The following FRMD4A variants were observed in gnomAD, a reference collection of about 807,000 sequenced individuals.
The protein encoded by FRMD4A is FERM domain containing 4A, also known as FERM domain-containing protein 4A.
FRMD4A carries 29 observed loss-of-function variants against 129.1 expected under a neutral mutation model. The ratio of observed to expected loss-of-function variants is 0.22; its 90% CI spans 0.17 to 0.31. FRMD4A has a LOEUF of 0.31. Ranked by LOEUF, FRMD4A falls within the 10% of genes least tolerant of loss-of-function variation. The pLI is 1.00. For synonymous variants in FRMD4A, 634 were observed against 571.6 expected, an observed-to-expected ratio of 1.11 and a Z score of -1.56; for missense variants, 1,272 against 1,375.8, an observed-to-expected ratio of 0.92 and a Z score of 1.19.
intron 2 of FRMD4A, among the ~76,000 whole-genome samples, chr10:14,185,901 G>A (rs1471777876): frequency 1.3e-5 from 2 of 152,176 alleles, no homozygotes; most frequent in Non-Finnish European, 2.9e-5. Context: ...ACAGGGCAGA[G>A]AGAGACTGGG....
chr10:14,280,982 ATTTTTTT>A (rs772555677), intron 2 of FRMD4A, among the ~76,000 whole-genome samples: 25 of 76,556 alleles, frequency 3.3e-4, no homozygotes, highest in South Asian at 1.1e-3. Context: ...ACTGGTTTCA[ATTTTTTT>A]TTTTTTTTTT....
At chr10:13,900,545 T>A (rs2094807525) in intron 2 of FRMD4A, among the ~76,000 whole-genome samples, 1 of 152,210 alleles carries the variant, frequency 6.6e-6, no homozygotes, top group Non-Finnish European at 1.5e-5. Flanking sequence ...TATACTCAAG[T>A]ACCTTCGGCT....
intron 2 of FRMD4A, among the ~76,000 whole-genome samples, chr10:13,892,507 C>A (rs1316302639): frequency 1.3e-5 from 2 of 152,128 alleles, no homozygotes; most frequent in African/African-American, 2.4e-5. Flanking sequence ...AGATTCCCCA[C>A]CAAGAACAAT....
At chr10:13,958,775 G>A (rs1455294037) in intron 2 of FRMD4A, among the ~76,000 whole-genome samples, 1 of 151,664 alleles carries the variant, frequency 6.6e-6, no homozygotes, top group Non-Finnish European at 1.5e-5. Context: ...AGTAGAGATA[G>A]GGTTTCTCCA....
chr10:13,935,135 A>C (rs1161147252), intron 2 of FRMD4A, among the ~76,000 whole-genome samples: 1 of 152,118 alleles, frequency 6.6e-6, no homozygotes, highest in Admixed American at 6.6e-5. Flanking sequence ...AGCAGTCCTC[A>C]TTTTAGAACT....
intron 2 of FRMD4A, among the ~76,000 whole-genome samples, chr10:14,293,093 G>A (rs1458582608): frequency 6.6e-6 from 1 of 152,174 alleles, no homozygotes; most frequent in Non-Finnish European, 1.5e-5. Flanking sequence ...TATTGCTATG[G>A]TTTGAATGTG....
intron 2 of FRMD4A, among the ~76,000 whole-genome samples, chr10:14,198,754 T>TTCCTACAAAACTCCAGCTC (rs1842544560): frequency 6.6e-6 from 1 of 152,212 alleles, no homozygotes; most frequent in Non-Finnish European, 1.5e-5. Context: ...TCTTATAGCT[T>TTCCTACAAAACTCCAGCTC]TCCTACAAAA....
chr10:14,039,103 G>C (rs1446245353), intron 2 of FRMD4A, among the ~76,000 whole-genome samples: 1 of 152,072 alleles, frequency 6.6e-6, no homozygotes, highest in Middle Eastern at 3.2e-3. Flanking sequence ...TTTGTATTGT[G>C]GTTGTAGTGA....
intron 16 of FRMD4A, among the ~76,000 whole-genome samples, chr10:13,671,265 C>A (rs909502783): frequency 6.6e-6 from 1 of 152,068 alleles, no homozygotes; most frequent in Non-Finnish European, 1.5e-5. Flanking sequence ...ACCAGCCTGG[C>A]CAACATGGTG....
chr10:14,242,874 C>T (rs1844098101), intron 2 of FRMD4A, among the ~76,000 whole-genome samples: 1 of 152,140 alleles, frequency 6.6e-6, no homozygotes, highest in Admixed American at 6.5e-5. Context: ...TCCCACAATT[C>T]CACTTGTAGA....
intron 17 of FRMD4A, chr10:13,667,827 AACCCCACAGCTAGTAAACCCAGG>A (rs1589277912): frequency 6.6e-6 from 1 of 152,256 alleles, no homozygotes; most frequent in East Asian, 1.9e-4. Flanking sequence ...ATATTTGCCT[AACCCCACAGCTAGTAAACCCAGG>A]ACAAATGCAT....
chr10:14,267,299 G>A (rs779098353), intron 2 of FRMD4A, among the ~76,000 whole-genome samples: 8 of 152,186 alleles, frequency 5.3e-5, no homozygotes, highest in Admixed American at 6.5e-5. Flanking sequence ...ATAAGGAAGA[G>A]AAGAAATAAG....
chr10:14,081,172 G>T (rs1835907480), intron 2 of FRMD4A, among the ~76,000 whole-genome samples: 1 of 152,172 alleles, frequency 6.6e-6, no homozygotes, highest in African/African-American at 2.4e-5. Context: ...AACCACGGTA[G>T]TCAAGTTTTG....
intron 2 of FRMD4A, among the ~76,000 whole-genome samples, chr10:14,240,222 C>A (rs561066985): frequency 6.6e-6 from 1 of 152,296 alleles, no homozygotes; most frequent in Admixed American, 6.5e-5. Context: ...TAAATCTAAC[C>A]CTGTCACACA....
intron 15 of FRMD4A, among the ~76,000 whole-genome samples, chr10:13,678,425 A>T (rs2084187798): frequency 6.6e-6 from 1 of 152,214 alleles, no homozygotes; most frequent in Admixed American, 6.5e-5. Flanking sequence ...ATAGAGGGTA[A>T]AACAGATCTG....
At chr10:14,189,377 C>G (rs1842248129) in intron 2 of FRMD4A, among the ~76,000 whole-genome samples, 1 of 152,090 alleles carries the variant, frequency 6.6e-6, no homozygotes, top group Admixed American at 6.5e-5. Flanking sequence ...AGTTCAAGAC[C>G]AGCCTGACCA....
chr10:13,884,202 A>ACACTCT lies in FRMD4A; in HGVS notation c.46-25291_46-25290insAGAGTG, dbSNP rs1564971683. On this transcript the variant is annotated intron_variant, in intron 2 of 24. Transcript: ENST00000357447. ...CACACACACACACACACACTCACACACACACTCACACACACACACACACAC... is the reference window on the plus strand; with the variant it reads ...CACACACACACACACACACTCACACACACTCTCACACTCACACACACACACACACAC... Among the ~76,000 whole-genome samples the ACACTCT allele has an allele frequency of 3.9e-5, 2 of 51,886 alleles. 1 individual carries two copies. Among genetic ancestry groups the ACACTCT allele is most frequent in the African/African-American group, 1.3e-4 (2 of 15,718 alleles). The allele number at this position is 51,886 out of a possible 152,430, so 34.0% of individuals were successfully genotyped here.
chr10:13,903,421 C>T (rs181273738), intron 2 of FRMD4A, among the ~76,000 whole-genome samples: 142 of 152,246 alleles, frequency 9.3e-4, no homozygotes, highest in Non-Finnish European at 1.6e-3. Flanking sequence ...TTGGAACATA[C>T]TAAACATTCA....
chr10:14,115,136 A>T (rs1838133618), intron 2 of FRMD4A, among the ~76,000 whole-genome samples: 1 of 152,180 alleles, frequency 6.6e-6, no homozygotes, highest in Non-Finnish European at 1.5e-5. Flanking sequence ...TGTCCCCTGG[A>T]AGCTTGCAGT....
Sources: allele counts gnomAD v4.1 joint callset (sites outside exome capture counted in the v4.1 genomes callset), GRCh38; gene constraint gnomAD v4.1.1; transcripts MANE v1.5; gene names NCBI Gene and HGNC (gene_info 2026-07-23, HGNC 2026-07-21).